The following GRIK2 variants were observed in gnomAD, a reference collection of about 807,000 sequenced individuals.
GRIK2 encodes glutamate receptor ionotropic, kainate 2.
A neutral mutation model predicts 100.3 loss-of-function variants in GRIK2; 32 were observed. The observed-to-expected ratio is 0.32, with a 90% CI of 0.24 to 0.43. GRIK2 has a LOEUF of 0.43. Among genes scored for constraint, GRIK2 ranks in the 20% least tolerant of loss-of-function variants. The pLI is 1.00. For missense variants in GRIK2, 843 were observed against 1,114.9 expected (o/e 0.76, Z 3.47); for synonymous variants, 417 against 389.4 (o/e 1.07, Z -0.83).
chr6:101,738,161 T>C (rs1775780854), intron 7 of GRIK2, among the ~76,000 whole-genome samples: 1 of 146,086 alleles, frequency 6.8e-6, no homozygotes, highest in African/African-American at 2.5e-5. Context: ...TAAATGTCAA[T>C]TGTAATTGAC....
intron 2 of GRIK2, among the ~76,000 whole-genome samples, chr6:101,457,505 A>G (rs1771074440): frequency 6.6e-6 from 1 of 152,020 alleles, no homozygotes; most frequent in Non-Finnish European, 1.5e-5. Flanking sequence ...GTCTATCCAC[A>G]TTTTGTTCTG....
intron 14 of GRIK2, among the ~76,000 whole-genome samples, chr6:102,004,286 C>CT (rs1795096140): frequency 7.4e-6 from 1 of 135,578 alleles, no homozygotes; most frequent in African/African-American, 2.7e-5. Context: ...CCTGTAAGTT[C>CT]ATTTTTTTTT....
chr6:101,933,352 T>G (rs1790407077), intron 14 of GRIK2, among the ~76,000 whole-genome samples: 1 of 151,904 alleles, frequency 6.6e-6, no homozygotes, highest in African/African-American at 2.4e-5. Flanking sequence ...TCCATCTCCT[T>G]GCTGTTGTAC....
intron 2 of GRIK2, among the ~76,000 whole-genome samples, chr6:101,618,521 T>C (rs373037215): frequency 1.3e-4 from 19 of 151,966 alleles, no homozygotes; most frequent in African/African-American, 4.3e-4. Context: ...CCATACACTT[T>C]AATTCTAAAC....
intron 14 of GRIK2, among the ~76,000 whole-genome samples, chr6:101,934,053 T>C (rs552811283): frequency 9.2e-5 from 14 of 151,940 alleles, no homozygotes; most frequent in African/African-American, 3.4e-4. Context: ...GCAAAGTACA[T>C]TCTAAATTCC....
At chr6:101,977,963 A>T (rs1028592927) in intron 14 of GRIK2, among the ~76,000 whole-genome samples, 1 of 152,000 alleles carries the variant, frequency 6.6e-6, no homozygotes, top group Non-Finnish European at 1.5e-5. Context: ...TGTGAGTTAG[A>T]TGCAGCAATC....
intron 2 of GRIK2, among the ~76,000 whole-genome samples, chr6:101,466,761 T>C (rs1771670522): frequency 6.6e-6 from 1 of 152,192 alleles, no homozygotes; most frequent in Non-Finnish European, 1.5e-5. Context: ...CTGATGTATT[T>C]TGAAGGAGTT....
intron 7 of GRIK2, among the ~76,000 whole-genome samples, chr6:101,790,115 A>G (rs904768919): frequency 6.0e-4 from 92 of 152,282 alleles, no homozygotes; most frequent in African/African-American, 1.8e-3. Flanking sequence ...GGCTGAGACA[A>G]TGGGGTTTTC....
chr6:101,758,573 A>G (rs1171503473), intron 7 of GRIK2, among the ~76,000 whole-genome samples: 1 of 152,164 alleles, frequency 6.6e-6, no homozygotes, highest in Non-Finnish European at 1.5e-5. Flanking sequence ...ACAGTTGGGA[A>G]TGTGTCTATG....
At chr6:101,456,802 C>G (rs1172467798) in intron 2 of GRIK2, among the ~76,000 whole-genome samples, 1 of 151,816 alleles carries the variant, frequency 6.6e-6, no homozygotes, top group Non-Finnish European at 1.5e-5. Context: ...GCATTTTTAT[C>G]TAAATATTAA....
intron 14 of GRIK2, among the ~76,000 whole-genome samples, chr6:101,944,106 A>G (rs187351387): frequency 1.1e-3 from 162 of 152,148 alleles, no homozygotes; most frequent in Admixed American, 3.1e-3. Flanking sequence ...TGATAATTTT[A>G]AAGTGTGTGG....
intron 2 of GRIK2, among the ~76,000 whole-genome samples, chr6:101,601,130 T>C (rs1351857436): frequency 1.3e-5 from 2 of 151,238 alleles, no homozygotes; most frequent in African/African-American, 2.4e-5. Flanking sequence ...GTTTTTTTTT[T>C]TTTTTTTTAT....
At chr6:101,863,472 C>T (rs1250929446) in intron 11 of GRIK2, among the ~76,000 whole-genome samples, 2 of 152,156 alleles carry the variant, frequency 1.3e-5, no homozygotes, top group Admixed American at 6.5e-5. Context: ...CTACTTTCTT[C>T]GACACCTATA....
chr6:101,933,395 T>C (rs1048303580), intron 14 of GRIK2, among the ~76,000 whole-genome samples: 21 of 151,968 alleles, frequency 1.4e-4, no homozygotes, highest in African/African-American at 5.1e-4. Context: ...TTGTCCTACC[T>C]TACATGTAGC....
intron 2 of GRIK2, among the ~76,000 whole-genome samples, chr6:101,444,687 C>T (rs1373631638): frequency 6.6e-6 from 1 of 151,990 alleles, no homozygotes; most frequent in Non-Finnish European, 1.5e-5. Context: ...AAAATCTGTA[C>T]TTTTTCAGAT....
At chr6:101,719,138 GTTTT>G (rs60301711) in intron 7 of GRIK2, among the ~76,000 whole-genome samples, 12 of 101,134 alleles carry the variant, frequency 1.2e-4, no homozygotes, top group African/African-American at 6.0e-4. Flanking sequence ...GGCTGCAAGG[GTTTT>G]TTTTTTTTTT....
chr6:101,437,208 T>A (rs1287977043), intron 2 of GRIK2, among the ~76,000 whole-genome samples: 2 of 152,076 alleles, frequency 1.3e-5, no homozygotes, highest in Non-Finnish European at 2.9e-5. Flanking sequence ...ATTTCTATAC[T>A]GAGAAAAATC....
chr6:101,735,689 G>C (rs989857467), intron 7 of GRIK2, among the ~76,000 whole-genome samples: 2 of 152,210 alleles, frequency 1.3e-5, no homozygotes, highest in African/African-American at 4.8e-5. Context: ...TATAACACAT[G>C]GGAATTATGA....
At chr6:101,501,131 A>G (rs1390470048) in intron 2 of GRIK2, among the ~76,000 whole-genome samples, 1 of 152,080 alleles carries the variant, frequency 6.6e-6, no homozygotes, top group Non-Finnish European at 1.5e-5. Flanking sequence ...AGAACCATCT[A>G]CAACAAAATA....
Sources: allele counts gnomAD v4.1 joint callset (sites outside exome capture counted in the v4.1 genomes callset), GRCh38; gene constraint gnomAD v4.1.1; transcripts MANE v1.5; gene names NCBI Gene and HGNC (gene_info 2026-07-23, HGNC 2026-07-21).